Variants in MAPRE2 observed in about 807,000 individuals in gnomAD.
MAPRE2 encodes microtubule associated protein RP/EB family member 2.
In MAPRE2, 13 loss-of-function variants were observed where a neutral mutation model predicts 43.2. That is an observed-to-expected ratio of 0.30 (90% confidence interval 0.20 to 0.48). The LOEUF is 0.48. Ranked by LOEUF, MAPRE2 falls within the 20% of genes least tolerant of loss-of-function variation. MAPRE2 has a pLI of 0.99. For synonymous variants in MAPRE2, 135 were observed against 148.8 expected (o/e 0.91, Z 0.68); for missense variants, 161 against 400.2 (o/e 0.40, Z 5.10).
chr18:35,081,135 A>G (rs910721603), intron 2 of MAPRE2, among the ~76,000 whole-genome samples: 2 of 152,240 alleles, frequency 1.3e-5, no homozygotes, highest in African/African-American at 2.4e-5. Flanking sequence ...ATGTACATCA[A>G]CTTTAAAATT....
chr18:35,089,950 T>A (rs1452644830), intron 2 of MAPRE2, among the ~76,000 whole-genome samples: 2 of 152,152 alleles, frequency 1.3e-5, no homozygotes, highest in African/African-American at 4.8e-5. Flanking sequence ...TTATTTGCTG[T>A]AAAGAAAAAA....
chr18:35,047,702 C>T (rs982071284), intron 1 of MAPRE2, among the ~76,000 whole-genome samples: 1 of 140,568 alleles, frequency 7.1e-6, no homozygotes, highest in Non-Finnish European at 1.5e-5. Flanking sequence ...TAAATAATTT[C>T]TTAGTAGGTT....
chr18:35,022,714 A>T (rs1482834848), intron 2 of MAPRE2, among the ~76,000 whole-genome samples: 1 of 152,212 alleles, frequency 6.6e-6, no homozygotes, highest in Admixed American at 6.5e-5. Context: ...CAAAACAGGG[A>T]AGATAACCAT....
chr18:34,992,017 GTT>G, intron 1 of MAPRE2, among the ~76,000 whole-genome samples: 1 of 152,088 alleles, frequency 6.6e-6, no homozygotes, highest in Non-Finnish European at 1.5e-5. Flanking sequence ...TATGTTTTGG[GTT>G]TTCTTTTAAC....
At chr18:35,065,131 C>T (rs1009133784) in intron 1 of MAPRE2, among the ~76,000 whole-genome samples, 2 of 151,852 alleles carry the variant, frequency 1.3e-5, no homozygotes, top group African/African-American at 4.8e-5. Flanking sequence ...CCTGTCTGTA[C>T]TAAAAATACC....
intron 3 of MAPRE2, 103 bp from the exon 4 acceptor site, chr18:35,101,843 A>G (rs1051404852): frequency 8.6e-5 from 72 of 840,266 alleles, no homozygotes; most frequent in Non-Finnish European, 1.2e-4. Context: ...GTGCTGCCAC[A>G]AACTTACAAG....
intron 4 of MAPRE2, among the ~76,000 whole-genome samples, chr18:35,109,010 G>T (rs1909047007): frequency 6.6e-6 from 1 of 152,116 alleles, no homozygotes; most frequent in South Asian, 2.1e-4. Context: ...GGCTTTTGTT[G>T]AAATTGCTTT....
chr18:35,027,506 A>G (rs1403381394), intron 2 of MAPRE2, among the ~76,000 whole-genome samples: 3 of 152,178 alleles, frequency 2.0e-5, no homozygotes, highest in Non-Finnish European at 4.4e-5. Context: ...AGACTGAGGA[A>G]GCCTTTATGA....
chr18:34,978,865 A>C (rs2097014606), intron 1 of MAPRE2, among the ~76,000 whole-genome samples: 1 of 152,184 alleles, frequency 6.6e-6, no homozygotes, highest in African/African-American at 2.4e-5. Flanking sequence ...GAGCTTTGAG[A>C]ACTCCTGATG....
chr18:35,000,115 AT>A (rs1335570858), intron 1 of MAPRE2, among the ~76,000 whole-genome samples: 2 of 152,166 alleles, frequency 1.3e-5, no homozygotes, highest in African/African-American at 4.8e-5. Context: ...GGGATTCAAT[AT>A]CTCAAAGTGG....
At chr18:35,069,203 A>G (rs1906985518) in intron 1 of MAPRE2, among the ~76,000 whole-genome samples, 1 of 152,178 alleles carries the variant, frequency 6.6e-6, no homozygotes, top group Non-Finnish European at 1.5e-5. Flanking sequence ...GCAAGGAAAG[A>G]TTAGAAATAG....
At chr18:35,027,451 C>G (rs2097045821) in intron 2 of MAPRE2, among the ~76,000 whole-genome samples, 1 of 152,056 alleles carries the variant, frequency 6.6e-6, no homozygotes, top group African/African-American at 2.4e-5. Flanking sequence ...AACCAGAGCC[C>G]CAGCTGAGGC....
chr18:34,989,981 C>T lies in MAPRE2; in HGVS notation c.-70+12902C>T, dbSNP rs1345652380. Among the ~76,000 whole-genome samples the T allele has an allele frequency of 2.0e-5, 3 of 152,152 alleles. No individual in the cohort carries two copies. The East Asian group carries it at 5.8e-4, about 29-fold the overall frequency. On this transcript the variant is annotated intron_variant, in intron 1 of 7. Transcript: ENST00000413393. Reference sequence around the variant, plus strand: ...CCCATATTTGGTTTGCTTTTCATCCCCCTTGCATGGCAATCCATTGAAGAT... The same window carrying T: ...CCCATATTTGGTTTGCTTTTCATCCTCCTTGCATGGCAATCCATTGAAGAT...
chr18:35,029,136 C>T (rs1163131557), intron 2 of MAPRE2, among the ~76,000 whole-genome samples: 1 of 137,474 alleles, frequency 7.3e-6, no homozygotes, highest in African/African-American at 3.2e-5. Context: ...AACATAAGCT[C>T]TAATTAAAAC....
intron 4 of MAPRE2, among the ~76,000 whole-genome samples, chr18:35,115,320 T>G (rs927120177): frequency 6.6e-6 from 1 of 152,218 alleles, no homozygotes; most frequent in Non-Finnish European, 1.5e-5. Context: ...ACACTGTAAC[T>G]TAGAAAGTAT....
Position 35,041,637 on chromosome 18 carries a change from C to T in MAPRE2, c.98C>T (p.Thr33Ile). ...NGTIIPFRKHTVRGERSYSWG... is the reference protein window; with the variant it reads ...NGTIIPFRKHIVRGERSYSWG... ...ACCATCATTCCTTTCCGGAAGCACA[C>T]AGTGCGCGGGGAGCGTTCCTACAGG... The change falls in exon 1 of 7, where the codon ACA (threonine) becomes ATA (isoleucine). Residue 33 changes from threonine (T) to isoleucine (I), a missense_variant. Thr to Ile is a moderately conservative substitution (Grantham distance 89, BLOSUM62 -1). Transcript: ENST00000300249. 6.2e-7 allele frequency: 1 copy of T among 1,614,216 alleles called. No homozygotes were observed. Among genetic ancestry groups the T allele is most frequent in the Non-Finnish European group, 8.5e-7 (1 of 1,180,040 alleles).
intron 4 of MAPRE2, among the ~76,000 whole-genome samples, chr18:35,118,729 C>T (rs774419313): frequency 6.6e-5 from 10 of 152,266 alleles, no homozygotes; most frequent in Non-Finnish European, 1.5e-4. Flanking sequence ...TTTTCCCTTG[C>T]GAGGTCCTTT....
intron 1 of MAPRE2, among the ~76,000 whole-genome samples, chr18:34,977,556 T>TG (rs1251690540): frequency 6.6e-6 from 1 of 152,126 alleles, no homozygotes; most frequent in Non-Finnish European, 1.5e-5. Flanking sequence ...GCTGCGCGCT[T>TG]GGGGGCAGAT....
At chr18:35,138,980 T>G (rs1910507596) in intron 6 of MAPRE2, among the ~76,000 whole-genome samples, 2 of 152,194 alleles carry the variant, frequency 1.3e-5, no homozygotes, top group South Asian at 4.2e-4. Flanking sequence ...GAGTCTTACA[T>G]AAGAAAGATG....
Sources: allele counts gnomAD v4.1 joint callset (sites outside exome capture counted in the v4.1 genomes callset), GRCh38; gene constraint gnomAD v4.1.1; transcripts MANE v1.5; gene names NCBI Gene and HGNC (gene_info 2026-07-23, HGNC 2026-07-21).